Variants in PLCL1 observed in about 807,000 individuals in gnomAD.
PLCL1 encodes phospholipase C like 1 (inactive).
Under a neutral mutation model 84.4 loss-of-function variants are expected in PLCL1, and 41 were observed. The ratio of observed to expected loss-of-function variants is 0.49; its 90% CI spans 0.38 to 0.63. The LOEUF (loss-of-function observed/expected upper bound fraction) is 0.63, where lower values mean the gene tolerates loss of function less well. Ranked by LOEUF, PLCL1 falls within the 30% of genes least tolerant of loss-of-function variation. The pLI, the probability that PLCL1 is intolerant of heterozygous loss-of-function variation, is 0.00. For missense variants in PLCL1, 1,206 were observed against 1,367.8 expected (o/e 0.88, Z 1.87); for synonymous variants, 490 against 488.3 (o/e 1.00, Z -0.05).
chr2:198,062,001 G>T (rs1307083983), intron 1 of PLCL1, among the ~76,000 whole-genome samples: 1 of 152,154 alleles, frequency 6.6e-6, no homozygotes, highest in African/African-American at 2.4e-5. Flanking sequence ...GTCTAGCACG[G>T]CAGTGGTTGG....
At chr2:198,137,845 T>A (rs1050587244) in intron 5 of PLCL1, among the ~76,000 whole-genome samples, 22 of 152,196 alleles carry the variant, frequency 1.4e-4, no homozygotes, top group African/African-American at 5.1e-4. Context: ...AGAAATAGGT[T>A]CCGTAGGGGC....
intron 1 of PLCL1, among the ~76,000 whole-genome samples, chr2:198,040,692 G>C (rs981623920): frequency 1.3e-5 from 2 of 152,148 alleles, no homozygotes; most frequent in Non-Finnish European, 2.9e-5. Context: ...CATTCTACAG[G>C]CTCTGTGAGC....
At chr2:197,962,831 C>A (rs1689651492) in intron 1 of PLCL1, among the ~76,000 whole-genome samples, 2 of 152,050 alleles carry the variant, frequency 1.3e-5, no homozygotes, top group South Asian at 2.1e-4. Context: ...TGAGAACATG[C>A]AAAATTTGTC....
intron 1 of PLCL1, among the ~76,000 whole-genome samples, chr2:198,055,692 T>A (rs1053503218): frequency 2.0e-5 from 3 of 152,102 alleles, no homozygotes; most frequent in African/African-American, 7.2e-5. Flanking sequence ...AAAATTAAAA[T>A]CAACTGCTGA....
intron 1 of PLCL1, among the ~76,000 whole-genome samples, chr2:197,921,250 A>AT (rs1688695149): frequency 6.6e-6 from 1 of 152,232 alleles, no homozygotes; most frequent in Non-Finnish European, 1.5e-5. Flanking sequence ...TATGTGGTAC[A>AT]TGACTGTATT....
At chr2:198,073,489 C>T (rs1253899200) in intron 1 of PLCL1, among the ~76,000 whole-genome samples, 1 of 152,186 alleles carries the variant, frequency 6.6e-6, no homozygotes, top group Non-Finnish European at 1.5e-5. Context: ...TAATCAGATT[C>T]ATCTTGACGT....
At chr2:197,953,839 G>A (rs543015286) in intron 1 of PLCL1, among the ~76,000 whole-genome samples, 7 of 149,362 alleles carry the variant, frequency 4.7e-5, no homozygotes, top group East Asian at 2.0e-4. Flanking sequence ...ACAGTTCTTC[G>A]TGTATTCCAG....
intron 5 of PLCL1, among the ~76,000 whole-genome samples, chr2:198,134,415 C>T (rs1226953646): frequency 1.3e-5 from 2 of 152,056 alleles, no homozygotes; most frequent in African/African-American, 4.8e-5. Context: ...TATTTTATAG[C>T]TGCCTTAGCC....
intron 5 of PLCL1, among the ~76,000 whole-genome samples, chr2:198,108,636 A>G (rs1415576546): frequency 1.3e-5 from 2 of 151,940 alleles, no homozygotes; most frequent in African/African-American, 4.8e-5. Flanking sequence ...AAAAATGACT[A>G]ACGACAATAT....
At chr2:197,881,806 C>T (rs770955318) in intron 1 of PLCL1, among the ~76,000 whole-genome samples, 3 of 152,096 alleles carry the variant, frequency 2.0e-5, no homozygotes, top group Non-Finnish European at 4.4e-5. Flanking sequence ...TATGAACCTG[C>T]AAGCATTCAT....
Position 198,085,714 on chromosome 2 carries a change from T to C in PLCL1, c.2197T>C (p.Phe733Leu). The change falls in exon 2 of 6, where the codon TTC becomes CTC. Residue 733 changes from phenylalanine (F) to leucine (L), a missense_variant. Physicochemically the swap from Phe to Leu is conservative, Grantham distance 22. Transcript: ENST00000428675. This position sits in a 1 kb window ranked among gnomAD's most constrained non-coding sequence, Gnocchi z 5.3. ...TATCAAGATCATCAGTGGTCAGAATTTCCCAAAGCCCAAGGGAGCTTGTGC... is the reference window on the plus strand; with the variant it reads ...TATCAAGATCATCAGTGGTCAGAATCTCCCAAAGCCCAAGGGAGCTTGTGC... Reference protein sequence around the residue: ...LHIKIISGQNFPKPKGACAKG... With the variant: ...LHIKIISGQNLPKPKGACAKG... The C allele has an allele frequency of 6.2e-7, 1 of 1,614,148 alleles. No individual in the cohort carries two copies. The highest frequency in any genetic ancestry group is 8.5e-7 in the Non-Finnish European group (1 of 1,180,004).
intron 3 of PLCL1, among the ~76,000 whole-genome samples, chr2:198,090,800 A>G: frequency 6.6e-6 from 1 of 152,224 alleles, no homozygotes; most frequent in East Asian, 1.9e-4. Flanking sequence ...TTTTAAGCTA[A>G]GAAAAAGAAA....
At chr2:198,007,318 T>A (rs1424498804) in intron 1 of PLCL1, among the ~76,000 whole-genome samples, 1 of 152,132 alleles carries the variant, frequency 6.6e-6, no homozygotes, top group Non-Finnish European at 1.5e-5. Context: ...AGTCAAAATG[T>A]GTTTTAACCA....
intron 1 of PLCL1, among the ~76,000 whole-genome samples, chr2:197,954,574 G>C (rs146882135): frequency 6.6e-6 from 1 of 152,018 alleles, no homozygotes; most frequent in Non-Finnish European, 1.5e-5. Flanking sequence ...AGTATAATAC[G>C]ATGGCATCAT....
At chr2:197,811,899 G>A (rs974430154) in intron 1 of PLCL1, among the ~76,000 whole-genome samples, 9 of 152,158 alleles carry the variant, frequency 5.9e-5, no homozygotes, top group African/African-American at 1.9e-4. Context: ...TTTGGTGTAT[G>A]AATGATCCTG....
intron 1 of PLCL1, among the ~76,000 whole-genome samples, chr2:197,975,147 C>CG (rs771699888): frequency 5.0e-5 from 1 of 19,908 alleles, no homozygotes; most frequent in African/African-American, 1.7e-4. Context: ...GACTCCATCT[C>CG]AAAAAAAAAA....
intron 1 of PLCL1, among the ~76,000 whole-genome samples, chr2:198,037,177 T>C (rs1691569308): frequency 6.6e-6 from 1 of 152,230 alleles, no homozygotes; most frequent in Non-Finnish European, 1.5e-5. Context: ...CCACTAGTTT[T>C]ACCAATTAAA....
rs190985809 is a variant in PLCL1 at position 198,127,419 on chromosome 2, C to T, written c.3106-19361C>T. On this transcript the variant is annotated intron_variant, in intron 5 of 5. Coordinates refer to ENST00000428675, the MANE Select transcript of PLCL1 (RefSeq NM_006226.4). ...CATATAAGAGGTATGGCTATTTTAA[C>T]ATATTTTTTAAATTATATGAAATAA... Among the ~76,000 whole-genome samples the T allele has an allele frequency of 1.8e-3, 268 of 152,186 alleles. 2 individuals are homozygous for T. The highest frequency in any genetic ancestry group is 5.6e-3 in the African/African-American group (232 of 41,534).
chr2:197,856,567 A>G (rs1322556860), intron 1 of PLCL1, among the ~76,000 whole-genome samples: 1 of 152,226 alleles, frequency 6.6e-6, no homozygotes, highest in Non-Finnish European at 1.5e-5. Flanking sequence ...TACGAATTAT[A>G]TAAAAGTGAG....
Sources: allele counts gnomAD v4.1 joint callset (sites outside exome capture counted in the v4.1 genomes callset), GRCh38; gene constraint gnomAD v4.1.1; non-coding constraint Gnocchi (gnomAD v3.1); transcripts MANE v1.5; gene names NCBI Gene and HGNC (gene_info 2026-07-23, HGNC 2026-07-21).